SLC35F1: variants seen among roughly 807,000 people sequenced by gnomAD.
SLC35F1 encodes the protein solute carrier family 35 member F1, also known as chromosome 6 open reading frame 169.
Under a neutral mutation model 48.7 loss-of-function variants are expected in SLC35F1, and 14 were observed. The observed-to-expected ratio is 0.29, with a 90% confidence interval of 0.19 to 0.45. The LOEUF (loss-of-function observed/expected upper bound fraction) is 0.45. Ranked by LOEUF, SLC35F1 falls within the 20% of genes least tolerant of loss-of-function variation. SLC35F1 has a pLI of 1.00. For synonymous variants in SLC35F1, 190 were observed against 202.2 expected, an observed-to-expected ratio of 0.94 and a Z score of 0.51; for missense variants, 404 against 500.0, an observed-to-expected ratio of 0.81 and a Z score of 1.83.
At chr6:118,164,314 AT>A (rs1369299469) in intron 2 of SLC35F1, among the ~76,000 whole-genome samples, 1 of 152,214 alleles carries the variant, frequency 6.6e-6, no homozygotes, top group African/African-American at 2.4e-5. Context: ...TAGAGTGAAT[AT>A]CAATTTTTTG....
At chr6:118,251,323 T>C (rs9372498) in intron 3 of SLC35F1, among the ~76,000 whole-genome samples, 3 of 152,128 alleles carry the variant, frequency 2.0e-5, no homozygotes, top group South Asian at 4.2e-4. Flanking sequence ...GTGTGTTTTT[T>C]AAATTTTTTT....
At chr6:118,028,891 G>A (rs1771996668) in intron 1 of SLC35F1, among the ~76,000 whole-genome samples, 1 of 151,972 alleles carries the variant, frequency 6.6e-6, no homozygotes, top group Non-Finnish European at 1.5e-5. Flanking sequence ...TATAATCCTG[G>A]GTTTGGGTTA....
intron 3 of SLC35F1, among the ~76,000 whole-genome samples, chr6:118,257,148 T>C (rs1260709618): frequency 1.3e-5 from 2 of 151,890 alleles, no homozygotes; most frequent in African/African-American, 4.8e-5. Flanking sequence ...GCTGAGATGA[T>C]GGGAAAAAAC....
At chr6:118,107,255 A>AAAAAC (rs759453870) in intron 1 of SLC35F1, among the ~76,000 whole-genome samples, 3 of 152,190 alleles carry the variant, frequency 2.0e-5, no homozygotes, top group Non-Finnish European at 4.4e-5. Context: ...TTTTCAAAGG[A>AAAAAC]AAAACAAAAC....
intron 1 of SLC35F1, among the ~76,000 whole-genome samples, chr6:118,048,745 T>C (rs1464093127): frequency 6.6e-6 from 1 of 152,196 alleles, no homozygotes; most frequent in Non-Finnish European, 1.5e-5. Flanking sequence ...CATTCCATGC[T>C]CATGAGTAGG....
chr6:118,301,052 A>G (rs908632907), intron 7 of SLC35F1, among the ~76,000 whole-genome samples: 1 of 152,166 alleles, frequency 6.6e-6, no homozygotes, highest in African/African-American at 2.4e-5. Context: ...CCATCTTTAA[A>G]TGAAAGGACT....
chr6:117,949,241 T>G (rs1224315686), intron 1 of SLC35F1, among the ~76,000 whole-genome samples: 1 of 152,216 alleles, frequency 6.6e-6, no homozygotes, highest in Non-Finnish European at 1.5e-5. Context: ...AAATGCCAGT[T>G]CAGAGTTGAT....
At chr6:118,233,611 G>A (rs1042186919) in intron 2 of SLC35F1, among the ~76,000 whole-genome samples, 5 of 152,058 alleles carry the variant, frequency 3.3e-5, no homozygotes, top group Non-Finnish European at 1.5e-5. Flanking sequence ...CAGTATGCTA[G>A]AGGCTATGGA....
At chr6:118,071,430 C>T (rs976532844) in intron 1 of SLC35F1, among the ~76,000 whole-genome samples, 3 of 151,880 alleles carry the variant, frequency 2.0e-5, no homozygotes, top group African/African-American at 7.3e-5. Context: ...GCACCTTTTC[C>T]TGTTCTCCAT....
chr6:117,923,651 G>GCACATA lies in SLC35F1; in HGVS notation c.173+15752_173+15753insCACATA, dbSNP rs1491359047. Among the ~76,000 whole-genome samples the GCACATA allele has an allele frequency of 1.1e-4, 2 of 17,502 alleles. 1 individual carries two copies. Among genetic ancestry groups the GCACATA allele is most frequent in the East Asian group, 4.4e-3 (2 of 456 alleles). The allele number at this position is 17,502 out of a possible 152,430, so 11.5% of individuals were successfully genotyped here. A position where few individuals can be genotyped will look rare whatever the true frequency, so the allele number is the denominator to read the frequency against. On this transcript the variant is annotated intron_variant, in intron 1 of 7. Coordinates refer to ENST00000360388, the MANE Select transcript of SLC35F1 (RefSeq NM_001029858.4). The stretch of plus-strand genomic sequence containing the variant: ...TACATATATGTACATATGTACATAT[G>GCACATA]TACATATGTATATATACATATATGT...
At chr6:117,997,336 T>G (rs1777009632) in intron 1 of SLC35F1, among the ~76,000 whole-genome samples, 1 of 152,204 alleles carries the variant, frequency 6.6e-6, no homozygotes, top group East Asian at 1.9e-4. Flanking sequence ...TGGAACCAAG[T>G]TGGAAAACAC....
intron 1 of SLC35F1, among the ~76,000 whole-genome samples, chr6:117,918,869 A>G (rs1355140896): frequency 6.6e-6 from 1 of 151,974 alleles, no homozygotes; most frequent in East Asian, 1.9e-4. Flanking sequence ...TATGAGAGAG[A>G]GAGAAGAGGG....
At chr6:117,994,411 TG>T (rs1280347617) in intron 1 of SLC35F1, among the ~76,000 whole-genome samples, 4 of 152,148 alleles carry the variant, frequency 2.6e-5, no homozygotes, top group African/African-American at 7.2e-5. Context: ...AAGTCCCTTT[TG>T]CCATATAACA....
intron 1 of SLC35F1, among the ~76,000 whole-genome samples, chr6:117,992,408 C>T (rs1776930989): frequency 6.6e-6 from 1 of 152,114 alleles, no homozygotes. Context: ...ACTTCCCAAC[C>T]ACTCCTTTAG....
chr6:118,022,979 C>A (rs2114885980), intron 1 of SLC35F1, among the ~76,000 whole-genome samples: 1 of 152,066 alleles, frequency 6.6e-6, no homozygotes, highest in Non-Finnish European at 1.5e-5. Context: ...ATGATGGTCT[C>A]GATCTCCTGA....
chr6:118,277,670 G>A (rs1775934413), intron 6 of SLC35F1, 124 bp downstream of exon 6: 2 of 803,854 alleles, frequency 2.5e-6, no homozygotes, highest in Admixed American at 2.0e-5. Flanking sequence ...AAGGGAAAAT[G>A]AAATCCCTTT....
rs796790248 is a variant in SLC35F1, at chr6:118,095,379, T to G, written c.174-59066T>G. ...TAACCTCAGGCACATCATTCCATTT[T>G]CAGATTCTCATGTTCTTTATCTGTA... On this transcript the variant is annotated intron_variant, in intron 1 of 7. Coordinates refer to ENST00000360388, the MANE Select transcript of SLC35F1 (RefSeq NM_001029858.4). 3.9e-5 allele frequency among the ~76,000 whole-genome samples: 6 copies of G among 152,224 alleles called. No individual in the cohort carries two copies. The South Asian group carries it at 6.2e-4, about 16-fold the overall frequency.
At chr6:118,286,870 CACTA>C (rs749895794) in intron 7 of SLC35F1, among the ~76,000 whole-genome samples, 2 of 151,674 alleles carry the variant, frequency 1.3e-5, no homozygotes, top group Non-Finnish European at 2.9e-5. Flanking sequence ...TACAGGTTAC[CACTA>C]ACTATCATCA....
rs1562238530 is a variant in SLC35F1, at chr6:117,923,629, A to ATATG, written c.173+15733_173+15734insGTAT. On this transcript the variant is annotated intron_variant, in intron 1 of 7. Coordinates refer to ENST00000360388, the MANE Select transcript of SLC35F1 (RefSeq NM_001029858.4). ...TATACATATACATATGTATATATAC[A>ATATG]TATATGTACATATGTACATATGTAC... Among the ~76,000 whole-genome samples the ATATG allele has an allele frequency of 1.2e-4, 9 of 77,372 alleles. 2 individuals are homozygous for ATATG. Among genetic ancestry groups the ATATG allele is most frequent in the East Asian group, 3.6e-4 (1 of 2,758 alleles). The allele number at this position is 77,372 out of a possible 152,430, so 50.8% of individuals were successfully genotyped here.
Sources: gnomAD v4.1 joint callset for allele counts (sites outside exome capture counted in the v4.1 genomes callset) on GRCh38, gnomAD v4.1.1 for gene constraint, MANE v1.5 for transcripts, NCBI Gene and HGNC (gene_info 2026-07-23, HGNC 2026-07-21) for gene names.